Variants in BTBD9 observed in about 807,000 individuals in gnomAD.
BTBD9 encodes the protein BTB domain containing 9.
Under a neutral mutation model 64.3 loss-of-function variants are expected in BTBD9, and 49 were observed. That is an observed-to-expected ratio of 0.76 (90% confidence interval 0.61 to 0.97). The LOEUF is 0.97. Ranked by LOEUF, BTBD9 falls within the 50% of genes least tolerant of loss-of-function variation. BTBD9 has a pLI of 0.00. For missense variants in BTBD9, 598 were observed against 762.1 expected, an observed-to-expected ratio of 0.78 and a Z score of 2.53; for synonymous variants, 260 against 274.7, an observed-to-expected ratio of 0.95 and a Z score of 0.53.
intron 10 of BTBD9, among the ~76,000 whole-genome samples, chr6:38,190,881 T>G (rs1762046423): frequency 6.6e-6 from 1 of 152,246 alleles, no homozygotes; most frequent in Non-Finnish European, 1.5e-5. Flanking sequence ...CCTTGCTGCT[T>G]CTTAGCCTTT....
chr6:38,540,996 C>A (rs1046687229), intron 6 of BTBD9, among the ~76,000 whole-genome samples: 1 of 152,166 alleles, frequency 6.6e-6, no homozygotes, highest in African/African-American at 2.4e-5. Context: ...TTCTCTTTCA[C>A]ATACATTCAC....
intron 1 of BTBD9, among the ~76,000 whole-genome samples, chr6:38,624,852 T>C (rs1284671365): frequency 6.6e-6 from 1 of 152,202 alleles, no homozygotes; most frequent in Non-Finnish European, 1.5e-5. Context: ...TTAGTGTACC[T>C]AGAATACATG....
intron 6 of BTBD9, among the ~76,000 whole-genome samples, chr6:38,367,201 G>A (rs927902152): frequency 1.3e-5 from 2 of 152,172 alleles, no homozygotes; most frequent in African/African-American, 4.8e-5. Flanking sequence ...CCCGAGGGTG[G>A]CCTATAATTT....
At position 38,598,013 on chromosome 6, in the gene BTBD9, C is replaced by A; in HGVS notation, c.82G>T (p.Ala28Ser). 2.5e-6 allele frequency: 4 copies of A among 1,613,988 alleles called. No individual in the cohort carries two copies. The highest frequency in any genetic ancestry group is 1.7e-6 in the Non-Finnish European group (2 of 1,179,868). The part of the protein sequence containing the change: ...HVHILSEHIG[A>S]LLIGEEYGDV... ...CCATATTCTTCCCCAATCAACAAGG[C>A]ACCAATATGTTCAGACAAAATGTGC... Residue 28 changes from alanine to serine, a missense_variant, in exon 2 of 11, where the codon GCC becomes TCC. Transcript: ENST00000481247.
intron 6 of BTBD9, among the ~76,000 whole-genome samples, chr6:38,442,998 A>T (rs1769107437): frequency 6.6e-6 from 1 of 152,078 alleles, no homozygotes; most frequent in Non-Finnish European, 1.5e-5. Flanking sequence ...AAAAGGATCA[A>T]GGATTTTTTA....
intron 6 of BTBD9, among the ~76,000 whole-genome samples, chr6:38,467,012 T>C (rs190836679): frequency 2.6e-4 from 39 of 152,298 alleles, no homozygotes; most frequent in Admixed American, 9.2e-4. Context: ...CAAACATACA[T>C]GGAGAATCCA....
chr6:38,457,472 A>G (rs1769872618), intron 6 of BTBD9, among the ~76,000 whole-genome samples: 1 of 152,048 alleles, frequency 6.6e-6, no homozygotes, highest in South Asian at 2.1e-4. Context: ...CTGAAATGTG[A>G]AGAGTTAATT....
chr6:38,174,949 C>T lies in BTBD9; in HGVS notation c.*36G>A, dbSNP rs767979780. 4.2e-5 allele frequency: 67 copies of T among 1,607,678 alleles called. No homozygotes were observed. Among genetic ancestry groups the T allele is most frequent in the South Asian group, 4.0e-4 (36 of 90,784 alleles). The stretch of plus-strand genomic sequence containing the variant: ...GAGGAGACCGTTTCCTGCCGTTGCC[C>T]GAGCCCACCAAGTCACACCAGGCCC... On this transcript the variant is annotated 3_prime_UTR_variant, in exon 11 of 11. Transcript: ENST00000481247.
At chr6:38,384,974 G>A (rs1035026822) in intron 6 of BTBD9, among the ~76,000 whole-genome samples, 4 of 151,804 alleles carry the variant, frequency 2.6e-5, no homozygotes, top group Admixed American at 6.6e-5. Context: ...TTGAAGGGGC[G>A]CTGAGAGCCT....
chr6:38,633,802 AT>A (rs1778439465), intron 1 of BTBD9, among the ~76,000 whole-genome samples: 3 of 152,094 alleles, frequency 2.0e-5, no homozygotes, highest in South Asian at 2.1e-4. Context: ...TAAAAAAAAA[AT>A]ATACATCTCT....
At chr6:38,616,289 G>C (rs185913198) in intron 1 of BTBD9, among the ~76,000 whole-genome samples, 113 of 152,282 alleles carry the variant, frequency 7.4e-4, no homozygotes, top group African/African-American at 2.6e-3. Context: ...TTTGATTTCA[G>C]CATAGTAAGA....
chr6:38,436,914 T>G (rs1382344220), intron 6 of BTBD9, among the ~76,000 whole-genome samples: 2 of 152,166 alleles, frequency 1.3e-5, no homozygotes, highest in Non-Finnish European at 2.9e-5. Context: ...ACGATGATGA[T>G]AGTTGTAGTC....
At position 38,475,504 on chromosome 6, in the gene BTBD9, T is replaced by A. The variant is rs947084395; in HGVS notation, c.1154+102096A>T. ...AGCATCTCAAAGCCTGCCCTCAACA[T>A]TTACTACGCAAAGCACTAATCTGAC... is the stretch of plus-strand genomic sequence containing the variant. On this transcript the variant is annotated intron_variant, in intron 6 of 10. Coordinates refer to ENST00000481247, the MANE Select transcript of BTBD9 (RefSeq NM_001099272.2). Among the ~76,000 whole-genome samples the A allele has an allele frequency of 3.3e-5, 5 of 152,150 alleles. No individual in the cohort carries two copies. In the East Asian group the frequency reaches 9.6e-4, roughly 29 times the overall value.
rs190602142 is a variant in BTBD9 at position 38,368,736 on chromosome 6, A to C, written c.1155-23643T>G. Among the ~76,000 whole-genome samples the C allele has an allele frequency of 4.1e-4, 63 of 152,260 alleles. 1 individual carries two copies. Among genetic ancestry groups the C allele is most frequent in the Non-Finnish European group, 8.5e-4 (58 of 68,012 alleles). On this transcript the variant is annotated intron_variant, in intron 6 of 10. Coordinates refer to ENST00000481247, the MANE Select transcript of BTBD9 (RefSeq NM_001099272.2). ...TATGTACAAAATTTTATACACAATC[A>C]GAGCATTCACTGGATCCCCTGGAGC...
At chr6:38,429,455 C>CA (rs201995368) in intron 6 of BTBD9, among the ~76,000 whole-genome samples, 8,290 of 102,370 alleles carry the variant, frequency 0.081, 333 homozygotes, top group Middle Eastern at 0.18. Context: ...GACTACGTCT[C>CA]AAAAAAAAAA....
intron 1 of BTBD9, among the ~76,000 whole-genome samples, chr6:38,621,370 G>C (rs1408526617): frequency 6.6e-6 from 1 of 152,230 alleles, no homozygotes; most frequent in Non-Finnish European, 1.5e-5. Flanking sequence ...ACAAATTGTA[G>C]CCCAGACTTA....
At chr6:38,589,313 C>T (rs1305565739) in intron 4 of BTBD9, among the ~76,000 whole-genome samples, 1 of 152,178 alleles carries the variant, frequency 6.6e-6, no homozygotes, top group African/African-American at 2.4e-5. Context: ...CTACCAGTAA[C>T]CATGTGAAAT....
chr6:38,351,345 C>A (rs1194091680), intron 6 of BTBD9, among the ~76,000 whole-genome samples: 1 of 152,140 alleles, frequency 6.6e-6, no homozygotes, highest in Non-Finnish European at 1.5e-5. Context: ...GTCCTGGCAC[C>A]TCCACTATTC....
chr6:38,584,374 AT>A (rs1776420781), intron 4 of BTBD9, among the ~76,000 whole-genome samples: 1 of 152,166 alleles, frequency 6.6e-6, no homozygotes, highest in African/African-American at 2.4e-5. Context: ...GATAATCATA[AT>A]TTTTTACACA....
Sources: gnomAD v4.1 joint callset for allele counts (sites outside exome capture counted in the v4.1 genomes callset) on GRCh38, gnomAD v4.1.1 for gene constraint, MANE v1.5 for transcripts, NCBI Gene and HGNC (gene_info 2026-07-23, HGNC 2026-07-21) for gene names.